Variants in GNG4 observed in about 807,000 individuals in gnomAD.
GNG4 encodes guanine nucleotide-binding protein G(I)/G(S)/G(O) subunit gamma-4.
GNG4 carries 4 observed loss-of-function variants against 5.8 expected under a neutral mutation model. The observed-to-expected ratio is 0.69, with a 90% CI of 0.34 to 1.57. GNG4 has a LOEUF of 1.57. Ranked by LOEUF, GNG4 falls within the 40% of genes most tolerant of loss-of-function variation. GNG4 has a pLI of 0.06. For synonymous variants in GNG4, 29 were observed against 32.9 expected (o/e 0.88, Z 0.41); for missense variants, 96 against 95.1 (o/e 1.01, Z -0.04).
At chr1:235,593,541 T>C (rs759119074) in intron 2 of GNG4, among the ~76,000 whole-genome samples, 16 of 152,216 alleles carry the variant, frequency 1.1e-4, no homozygotes, top group African/African-American at 2.2e-4. Context: ...TGGTGGGTTC[T>C]TGGTCTCACC....
intron 2 of GNG4, among the ~76,000 whole-genome samples, chr1:235,585,532 G>A (rs1260579173): frequency 6.6e-6 from 1 of 152,146 alleles, no homozygotes; most frequent in African/African-American, 2.4e-5. Flanking sequence ...ACGTGTGTGT[G>A]CTTTTGAACT....
At chr1:235,617,718 C>G (rs1688625314) in intron 1 of GNG4, among the ~76,000 whole-genome samples, 1 of 151,936 alleles carries the variant, frequency 6.6e-6, no homozygotes, top group Non-Finnish European at 1.5e-5. Flanking sequence ...AACCCCATCT[C>G]TACTAAAAAT....
In GNG4 at chr1:235,552,104, C is replaced by T. The variant is rs774130260; in HGVS notation, c.*5G>A. On this transcript the variant is annotated 3_prime_UTR_variant, in exon 4 of 4. Transcript: ENST00000391854. ...GAAAAGGAGGCGTTTTCATCACACA[C>T]GGAGTTAGAGAATGGTACAAAAGAA... The T allele has an allele frequency of 9.3e-6, 15 of 1,613,088 alleles. No homozygotes were observed. The highest frequency in any genetic ancestry group is 6.7e-5 in the Admixed American group (4 of 59,966).
At chr1:235,611,157 TTCTC>T (rs1317294841) in intron 1 of GNG4, among the ~76,000 whole-genome samples, 24 of 150,722 alleles carry the variant, frequency 1.6e-4, no homozygotes, top group East Asian at 3.9e-4. Context: ...AGGGCAGAGA[TTCTC>T]TCTCTCTCTC....
In GNG4 at chr1:235,552,193, G is replaced by A. The variant is rs1370877285; in HGVS notation, c.144C>T (p.His48=). The A allele has an allele frequency of 4.3e-6, 7 of 1,613,718 alleles. No homozygotes were observed. The highest frequency in any genetic ancestry group is 1.7e-5 in the Admixed American group (1 of 60,026). ...GAATGATGAGAGGATCTTCCCGCAC[G>A]TGAGCTTCACAGTAGGCCAGGAGGT... ...AADLLAYCEA[H]VREDPLIIPV... The change falls in exon 4 of 4, where the codon CAC becomes CAT. Residue 48 remains histidine, a synonymous_variant. Coordinates refer to ENST00000391854, the MANE Select transcript of GNG4 (RefSeq NM_001098722.2).
At chr1:235,586,383 T>A (rs988099123) in intron 2 of GNG4, among the ~76,000 whole-genome samples, 4 of 152,154 alleles carry the variant, frequency 2.6e-5, no homozygotes, top group Non-Finnish European at 5.9e-5. Flanking sequence ...TCTCTCCGTG[T>A]GTGTGTGTGT....
chr1:235,605,375 G>C (rs572204706), intron 1 of GNG4, among the ~76,000 whole-genome samples: 1 of 152,046 alleles, frequency 6.6e-6, no homozygotes, highest in South Asian at 2.1e-4. Context: ...ATTTTTAGTC[G>C]AGATGGCTAG....
At chr1:235,618,878 A>C (rs1265775302) in intron 1 of GNG4, among the ~76,000 whole-genome samples, 2 of 149,988 alleles carry the variant, frequency 1.3e-5, no homozygotes, top group African/African-American at 4.9e-5. Flanking sequence ...CTGGTCTCGA[A>C]CTCCTGAGTC....
chr1:235,555,447 G>A (rs1686875258), intron 3 of GNG4, among the ~76,000 whole-genome samples: 2 of 152,168 alleles, frequency 1.3e-5, no homozygotes, highest in African/African-American at 2.4e-5. Flanking sequence ...ACATGCATCA[G>A]ATGTATTATG....
At chr1:235,578,065 C>A (rs1012928623) in intron 3 of GNG4, among the ~76,000 whole-genome samples, 5 of 151,922 alleles carry the variant, frequency 3.3e-5, no homozygotes, top group African/African-American at 9.7e-5. Context: ...TCTTTCAAGT[C>A]TTGCATCACA....
intron 3 of GNG4, among the ~76,000 whole-genome samples, chr1:235,582,411 G>C (rs1055902899): frequency 3.3e-5 from 5 of 152,180 alleles, no homozygotes; most frequent in Non-Finnish European, 7.3e-5. Context: ...TATCAGCTCA[G>C]AGCCAGCCAT....
At chr1:235,636,131 G>C (rs1381007368) in intron 1 of GNG4, among the ~76,000 whole-genome samples, 1 of 152,192 alleles carries the variant, frequency 6.6e-6, no homozygotes, top group Non-Finnish European at 1.5e-5. Flanking sequence ...TGTAGAGGGA[G>C]AATATCCTGA....
intron 2 of GNG4, among the ~76,000 whole-genome samples, chr1:235,594,736 G>A (rs530751894): frequency 7.9e-5 from 12 of 152,112 alleles, no homozygotes; most frequent in African/African-American, 1.7e-4. Flanking sequence ...AGCACCGTGC[G>A]CAGCCCCAGT....
Position 235,603,114 on chromosome 1 carries a change from G to T in GNG4, c.-122-7603C>A, listed in dbSNP as rs568475407. 3.5e-3 allele frequency among the ~76,000 whole-genome samples: 527 copies of T among 152,136 alleles called. 2 individuals carry two copies. Among genetic ancestry groups the T allele is most frequent in the African/African-American group, 0.012 (480 of 41,508 alleles). On this transcript the variant is annotated intron_variant, in intron 1 of 3. Transcript: ENST00000391854. Reference sequence around the variant, plus strand: ...AAAAATTAGCCAGGTGTGGTGGCAGGTGCCTGAAGTCCCAGCTACTTGGGA... The same window carrying T: ...AAAAATTAGCCAGGTGTGGTGGCAGTTGCCTGAAGTCCCAGCTACTTGGGA...
chr1:235,580,413 T>A (rs1161308409), intron 3 of GNG4, among the ~76,000 whole-genome samples: 2 of 152,206 alleles, frequency 1.3e-5, no homozygotes, highest in Non-Finnish European at 2.9e-5. Context: ...AAATGATAAA[T>A]TGTATGTTAT....
rs1266653955 is a variant in GNG4, at chr1:235,648,452, C to T, written c.-123+1210G>A. The stretch of plus-strand genomic sequence containing the variant: ...TTTCCATTTATCAACTTAGTTGTCC[C>T]CCCAGTCGCCTCTTGCAGGGAACAG... On this transcript the variant is annotated intron_variant, in intron 1 of 3. Coordinates refer to ENST00000391854, the MANE Select transcript of GNG4 (RefSeq NM_001098722.2). The surrounding 1 kb of genome is among the most constrained non-coding windows in gnomAD (Gnocchi z 5.0). 3.1e-4 allele frequency among the ~76,000 whole-genome samples: 47 copies of T among 152,222 alleles called. 1 individual carries two copies. The highest frequency in any genetic ancestry group is 4.4e-5 in the Non-Finnish European group (3 of 68,036).
chr1:235,587,551 GGGTTGTGAA>G (rs1183680939), intron 2 of GNG4, among the ~76,000 whole-genome samples: 92 of 18,262 alleles, frequency 5.0e-3, no homozygotes, highest in Middle Eastern at 0.043. Flanking sequence ...GTGTGGGTTG[GGGTTGTGAA>G]TGTGGGAGGG....
rs550643512 is a variant in GNG4, at chr1:235,561,099, T to G, written c.100-8862A>C. Among the ~76,000 whole-genome samples the G allele has an allele frequency of 2.3e-4, 35 of 152,306 alleles. No homozygotes were observed. The South Asian group carries it at 7.3e-3, about 32-fold the overall frequency. On this transcript the variant is annotated intron_variant, in intron 3 of 3. Transcript: ENST00000391854. ...ATCTCGGCTCACTGCAAGCTCCACC[T>G]CACGGGTTCAAGACATTCTCCTGCC...
intron 1 of GNG4, among the ~76,000 whole-genome samples, chr1:235,605,683 G>A (rs569671099): frequency 2.6e-5 from 4 of 152,142 alleles, no homozygotes; most frequent in Admixed American, 6.5e-5. Context: ...TGATCAGAGA[G>A]GGGGAGTTCC....
Sources: allele counts gnomAD v4.1 joint callset (sites outside exome capture counted in the v4.1 genomes callset), GRCh38; gene constraint gnomAD v4.1.1; non-coding constraint Gnocchi (gnomAD v3.1); transcripts MANE v1.5; gene names NCBI Gene and HGNC (gene_info 2026-07-23, HGNC 2026-07-21).